Variants in SEM1 observed in about 807,000 individuals in gnomAD.
The protein encoded by SEM1 is 26S proteasome complex subunit SEM1.
SEM1 carries 3 observed loss-of-function variants against 12.7 expected under a neutral mutation model. The ratio of observed to expected loss-of-function variants is 0.24; its 90% CI spans 0.11 to 0.61. The LOEUF is 0.61. Among genes scored for constraint, SEM1 ranks in the 20% least tolerant of loss-of-function variants. The pLI, the probability that SEM1 is intolerant of heterozygous loss-of-function variation, is 0.88. For synonymous variants in SEM1, 30 were observed against 27.8 expected (o/e 1.08, Z -0.25); for missense variants, 59 against 81.3 (o/e 0.73, Z 1.06).
exon 4 of SEM1, chr7:96,482,698 C>A (rs1239799345): frequency 6.6e-6 from 1 of 152,082 alleles, no homozygotes; most frequent in Non-Finnish European, 1.5e-5. Flanking sequence ...CTTATACCAT[C>A]GGTGTTGGAG....
intron 1 of SEM1, among the ~76,000 whole-genome samples, chr7:96,703,796 G>A (rs1472060968): frequency 6.6e-6 from 1 of 151,936 alleles, no homozygotes; most frequent in Non-Finnish European, 1.5e-5. Context: ...AAATTTGAAA[G>A]AACAAATTAG....
intron 3 of SEM1, among the ~76,000 whole-genome samples, chr7:96,484,324 C>T (rs1436907433): frequency 6.6e-6 from 1 of 152,148 alleles, no homozygotes; most frequent in Non-Finnish European, 1.5e-5. Flanking sequence ...TTCATCTTCA[C>T]CACAATGACT....
intron 2 of SEM1, among the ~76,000 whole-genome samples, chr7:96,517,567 TG>T (rs1804136017): frequency 6.6e-6 from 1 of 152,122 alleles, no homozygotes; most frequent in African/African-American, 2.4e-5. Context: ...ACTAGCGAGA[TG>T]GGGAAACTTC....
At chr7:96,497,550 A>T (rs1272867744), upstream of SEM1, among the ~76,000 whole-genome samples, 1 of 152,172 alleles carries the variant, frequency 6.6e-6, no homozygotes, top group Non-Finnish European at 1.5e-5. Context: ...TTTTAATCTG[A>T]CTTACAGCTG....
intron 1 of SEM1, among the ~76,000 whole-genome samples, chr7:96,493,906 C>G (rs1396320530): frequency 6.6e-6 from 1 of 152,198 alleles, no homozygotes; most frequent in Non-Finnish European, 1.5e-5. Context: ...TTATTTCCTA[C>G]ATTTTTTAGT....
At chr7:96,569,437 A>C (rs142554628) in intron 2 of SEM1, among the ~76,000 whole-genome samples, 73 of 152,162 alleles carry the variant, frequency 4.8e-4, no homozygotes, top group African/African-American at 1.7e-3. Flanking sequence ...TTCCCCAAAA[A>C]GTCTATGTGT....
At chr7:96,521,058 C>G (rs1314385238) in intron 2 of SEM1, among the ~76,000 whole-genome samples, 3 of 152,076 alleles carry the variant, frequency 2.0e-5, no homozygotes, top group Non-Finnish European at 4.4e-5. Context: ...AGGGGACGGA[C>G]ATTCCCCTTG....
chr7:96,583,053 A>C (rs1186367023), intron 2 of SEM1, among the ~76,000 whole-genome samples: 2 of 151,896 alleles, frequency 1.3e-5, no homozygotes, highest in Non-Finnish European at 2.9e-5. Context: ...TAGTTCCTTT[A>C]ATTGTGATGT....
chr7:96,682,665 G>C (rs1789648880), intron 2 of SEM1, among the ~76,000 whole-genome samples: 1 of 152,086 alleles, frequency 6.6e-6, no homozygotes, highest in South Asian at 2.1e-4. Flanking sequence ...AGCCAGAACT[G>C]ACAAATGGGA....
rs578015618 is a variant in SEM1, at chr7:96,518,489, C to CTA, written c.171-11792_171-11791insTA. Reference sequence around the variant, plus strand: ...CCACTGTGTCTGTGGCATGTGTAGGCTGAGGATACTGTGACCACTGATGTG... The same window carrying CTA: ...CCACTGTGTCTGTGGCATGTGTAGGCTATGAGGATACTGTGACCACTGATGTG... On this transcript the variant is annotated intron_variant and NMD_transcript_variant, in intron 2 of 3. Coordinates refer to the SEM1 transcript ENST00000466986. 1.8e-3 allele frequency among the ~76,000 whole-genome samples: 279 copies of CTA among 152,218 alleles called. 1 individual carries two copies. The highest frequency in any genetic ancestry group is 6.5e-3 in the African/African-American group (270 of 41,538).
At chr7:96,575,573 C>A (rs185567109) in intron 2 of SEM1, among the ~76,000 whole-genome samples, 225 of 152,334 alleles carry the variant, frequency 1.5e-3, no homozygotes, top group Admixed American at 3.5e-3. Context: ...CCACAGCCAC[C>A]CCTTCCCCCA....
intron 2 of SEM1, among the ~76,000 whole-genome samples, chr7:96,611,276 A>G (rs960428585): frequency 2.0e-5 from 3 of 152,210 alleles, no homozygotes; most frequent in African/African-American, 7.2e-5. Context: ...ATGTAATGTT[A>G]AAAATGAATA....
intron 2 of SEM1, among the ~76,000 whole-genome samples, chr7:96,603,830 T>C (rs558826178): frequency 1.3e-5 from 2 of 152,036 alleles, no homozygotes; most frequent in African/African-American, 2.4e-5. Flanking sequence ...ATTTCAAAAC[T>C]CATTCACTAA....
intron 1 of SEM1, among the ~76,000 whole-genome samples, chr7:96,699,582 TAC>T (rs1240226063): frequency 6.6e-6 from 1 of 152,198 alleles, no homozygotes; most frequent in African/African-American, 2.4e-5. Context: ...ACAATATACA[TAC>T]ACATTTATTT....
intron 2 of SEM1, among the ~76,000 whole-genome samples, chr7:96,608,055 G>A (rs1037766347): frequency 2.0e-5 from 3 of 152,138 alleles, no homozygotes; most frequent in African/African-American, 7.2e-5. Context: ...GTATGTGTGG[G>A]GTTCCTTTTG....
chr7:96,660,688 A>G (rs1030050453), intron 2 of SEM1, among the ~76,000 whole-genome samples: 7 of 152,170 alleles, frequency 4.6e-5, no homozygotes, highest in African/African-American at 1.7e-4. Context: ...AGTCCCAAAG[A>G]AGAGTTGAAC....
At chr7:96,641,089 AT>A (rs1408832675) in intron 2 of SEM1, among the ~76,000 whole-genome samples, 1 of 151,636 alleles carries the variant, frequency 6.6e-6, no homozygotes. Context: ...AAATTTTTCA[AT>A]TTTTTCAATA....
chr7:96,586,323 A>G (rs933459859), intron 2 of SEM1, among the ~76,000 whole-genome samples: 8 of 152,158 alleles, frequency 5.3e-5, no homozygotes, highest in Non-Finnish European at 1.2e-4. Flanking sequence ...GCTCACAGAC[A>G]CAAATCCCAG....
At chr7:96,604,511 A>G (rs895891396) in intron 2 of SEM1, among the ~76,000 whole-genome samples, 2 of 152,282 alleles carry the variant, frequency 1.3e-5, no homozygotes, top group Middle Eastern at 6.8e-3. Flanking sequence ...AGAGTTTTAC[A>G]TGCTTTGTAA....
Sources: allele counts gnomAD v4.1 joint callset (sites outside exome capture counted in the v4.1 genomes callset), GRCh38; gene constraint gnomAD v4.1.1; transcripts MANE v1.5; gene names NCBI Gene and HGNC (gene_info 2026-07-23, HGNC 2026-07-21).